CACNB2: variants seen among roughly 807,000 people sequenced by gnomAD.
CACNB2 encodes the protein calcium voltage-gated channel auxiliary subunit beta 2.
CACNB2 carries 42 observed loss-of-function variants against 73.3 expected under a neutral mutation model. The observed-to-expected ratio is 0.57, with a 90% CI of 0.45 to 0.74. The LOEUF is 0.74. Among genes scored for constraint, CACNB2 ranks in the 30% least tolerant of loss-of-function variants. The probability of loss-of-function intolerance (pLI) is 0.00; values close to 1 mark genes in which losing one functional copy is unlikely to be tolerated. For synonymous variants in CACNB2, 348 were observed against 310.3 expected, an observed-to-expected ratio of 1.12 and a Z score of -1.28; for missense variants, 940 against 853.0, an observed-to-expected ratio of 1.10 and a Z score of -1.27.
intron 3 of CACNB2, among the ~76,000 whole-genome samples, chr10:18,490,639 C>T (rs2049355335): frequency 6.6e-6 from 1 of 152,160 alleles, no homozygotes; most frequent in Non-Finnish European, 1.5e-5. Flanking sequence ...TGTCTCCCAA[C>T]CAACGTAGTA....
chr10:18,232,403 C>CAGGTTTAACCGTGAACCAG (rs2036257479), intron 2 of CACNB2, among the ~76,000 whole-genome samples: 2 of 152,296 alleles, frequency 1.3e-5, no homozygotes, highest in Non-Finnish European at 2.9e-5. Context: ...CCACAGGTCA[C>CAGGTTTAACCGTGAACCAG]AGGTTTAACC....
chr10:18,481,102 C>A (rs748997151), intron 3 of CACNB2, among the ~76,000 whole-genome samples: 1 of 148,582 alleles, frequency 6.7e-6, no homozygotes, highest in African/African-American at 2.5e-5. Flanking sequence ...GTGCTCATCA[C>A]GCTTGTGTGC....
intron 2 of CACNB2, among the ~76,000 whole-genome samples, chr10:18,301,910 G>A (rs1479099632): frequency 1.3e-5 from 2 of 152,062 alleles, no homozygotes; most frequent in East Asian, 2.0e-4. Flanking sequence ...GCCCCCCAGG[G>A]TGCTGGGATT....
rs1037737825 is a variant in CACNB2 at position 18,222,296 on chromosome 10, G to C, written c.213+71321G>C. On this transcript the variant is annotated intron_variant, in intron 2 of 13. Transcript: ENST00000324631. ...GACCCCATTGCTAAGGGGACAATGG[G>C]AAGAAATGGGGAATCTGCAGAGGAA... is the stretch of plus-strand genomic sequence containing the variant. Among the ~76,000 whole-genome samples the C allele has an allele frequency of 5.3e-5, 8 of 152,224 alleles. No homozygotes were observed. The East Asian group carries it at 1.5e-3, about 29-fold the overall frequency.
intron 5 of CACNB2, among the ~76,000 whole-genome samples, chr10:18,504,934 C>T (rs145709532): frequency 8.0e-4 from 122 of 152,302 alleles, no homozygotes; most frequent in Non-Finnish European, 1.2e-3. Flanking sequence ...CGTGAGCCAC[C>T]GTGCCCGGCC....
At chr10:18,415,262 T>C (rs1370934637) in intron 3 of CACNB2, among the ~76,000 whole-genome samples, 1 of 152,080 alleles carries the variant, frequency 6.6e-6, no homozygotes, top group Non-Finnish European at 1.5e-5. Context: ...GCCAGGAGTT[T>C]GAGATCAGCT....
rs2053974881 is a variant in CACNB2 at position 18,539,893 on chromosome 10, G to A, written c.*169G>A. 4 of 754,356 alleles carry A rather than the reference G, an allele frequency of 5.3e-6. No homozygotes were observed. The allele number at this position is 754,356 out of a possible 1,614,324, so 46.7% of individuals were successfully genotyped here. A position where few individuals can be genotyped will look rare whatever the true frequency, so the allele number is the denominator to read the frequency against. On this transcript the variant is annotated 3_prime_UTR_variant, in exon 14 of 14. Coordinates refer to ENST00000324631, the MANE Select transcript of CACNB2 (RefSeq NM_201596.3). ...AGCAATAGCATGGATAGAGTATTGA[G>A]ATACTTTTTCTTTTGTAAGTGCTAC...
intron 2 of CACNB2, among the ~76,000 whole-genome samples, chr10:18,173,614 C>G (rs1232790060): frequency 1.3e-5 from 2 of 152,070 alleles, no homozygotes; most frequent in Non-Finnish European, 2.9e-5. Flanking sequence ...CTTACAATAT[C>G]AAGTTTGTGG....
intron 3 of CACNB2, among the ~76,000 whole-genome samples, chr10:18,466,850 A>C (rs1466257477): frequency 1.3e-5 from 2 of 152,254 alleles, no homozygotes; most frequent in African/African-American, 4.8e-5. Flanking sequence ...ATGTGGAAAT[A>C]ATGTTTTCAG....
chr10:18,221,414 C>T (rs2035788259), intron 2 of CACNB2, among the ~76,000 whole-genome samples: 1 of 152,186 alleles, frequency 6.6e-6, no homozygotes, highest in Admixed American at 6.5e-5. Context: ...CATGGTGGCT[C>T]ATGCTGGTCA....
intron 2 of CACNB2, among the ~76,000 whole-genome samples, chr10:18,295,921 C>A (rs2039259363): frequency 6.6e-6 from 1 of 151,756 alleles, no homozygotes; most frequent in South Asian, 2.1e-4. Flanking sequence ...AAGTCCATCA[C>A]CTTTCCTTGG....
intron 3 of CACNB2, among the ~76,000 whole-genome samples, chr10:18,489,533 C>A (rs1295592287): frequency 6.6e-6 from 1 of 151,372 alleles, no homozygotes; most frequent in Non-Finnish European, 1.5e-5. Context: ...GCCTCAGCCT[C>A]CTGAATAGCT....
In CACNB2 at chr10:18,419,231, G is replaced by A. The variant is rs140891692; in HGVS notation, c.333+17188G>A. On this transcript the variant is annotated intron_variant, in intron 3 of 13. Coordinates refer to ENST00000324631, the MANE Select transcript of CACNB2 (RefSeq NM_201596.3). ...TTAATTCTATGAGTTTAAGTAGCCT[G>A]AGGATTCAATAGGTCACATAATGGA... is the stretch of plus-strand genomic sequence containing the variant. 3.7e-3 allele frequency among the ~76,000 whole-genome samples: 565 copies of A among 152,314 alleles called. 2 individuals carry two copies. Among genetic ancestry groups the A allele is most frequent in the African/African-American group, 0.013 (536 of 41,560 alleles).
At chr10:18,367,006 T>C (rs1287007560) in intron 2 of CACNB2, among the ~76,000 whole-genome samples, 1 of 152,234 alleles carries the variant, frequency 6.6e-6, no homozygotes, top group Admixed American at 6.5e-5. Flanking sequence ...TATGAAAGGA[T>C]TTCTTAGCGG....
At chr10:18,154,808 G>T (rs907308215) in intron 2 of CACNB2, among the ~76,000 whole-genome samples, 1 of 152,172 alleles carries the variant, frequency 6.6e-6, no homozygotes, top group Non-Finnish European at 1.5e-5. Context: ...GAGGTTGCAT[G>T]CACACAGAGA....
At chr10:18,237,457 C>T (rs115837202) in intron 2 of CACNB2, among the ~76,000 whole-genome samples, 1,939 of 152,274 alleles carry the variant, frequency 0.013, 29 homozygotes, top group African/African-American at 0.042. Flanking sequence ...ATGTCAAGGA[C>T]TGCTGGCAAC....
chr10:18,197,707 A>G (rs904059625), intron 2 of CACNB2, among the ~76,000 whole-genome samples: 13 of 152,140 alleles, frequency 8.5e-5, no homozygotes, highest in African/African-American at 2.4e-4. Context: ...TGTTCTGAGT[A>G]ACTTACAGCT....
At chr10:18,141,737 T>A (rs1053319446) in intron 1 of CACNB2, among the ~76,000 whole-genome samples, 2 of 152,206 alleles carry the variant, frequency 1.3e-5, no homozygotes, top group Non-Finnish European at 2.9e-5. Flanking sequence ...GTCTCAGCGA[T>A]GAGGAGTCGC....
At chr10:18,400,462 G>T in intron 2 of CACNB2, 1 of 455,528 alleles carries the variant, frequency 2.2e-6, no homozygotes, top group Non-Finnish European at 2.9e-6. Flanking sequence ...ATGTAAAATG[G>T]CAATTTGACA....
Sources: allele counts gnomAD v4.1 joint callset (sites outside exome capture counted in the v4.1 genomes callset), GRCh38; gene constraint gnomAD v4.1.1; transcripts MANE v1.5; gene names NCBI Gene and HGNC (gene_info 2026-07-23, HGNC 2026-07-21).